The following CARD19 variants were observed in gnomAD, a reference collection of about 807,000 sequenced individuals.
CARD19 encodes the protein caspase recruitment domain family member 19.
CARD19 carries 25 observed loss-of-function variants against 24.1 expected under a neutral mutation model. That is an observed-to-expected ratio of 1.04 (90% confidence interval 0.76 to 1.45). The LOEUF is 1.45. Ranked by LOEUF, CARD19 falls within the 40% of genes most tolerant of loss-of-function variation. CARD19 has a pLI of 0.00. For missense variants in CARD19, 241 were observed against 247.4 expected (o/e 0.97, Z 0.17); for synonymous variants, 103 against 104.9 (o/e 0.98, Z 0.11).
chr9:93,109,227 A>G (rs1350149986), intron 2 of CARD19: 2 of 152,272 alleles, frequency 1.3e-5, no homozygotes, highest in South Asian at 2.1e-4. Flanking sequence ...CGTTTATACA[A>G]GAAAAAGCAC....
rs528829515 is a variant in CARD19, at chr9:93,112,037, C to A, written c.364+99C>A. 2.2e-5 allele frequency: 32 copies of A among 1,476,934 alleles called. No individual in the cohort carries two copies. In the East Asian group the frequency reaches 6.2e-4, roughly 29 times the overall value. The allele number at this position is 1,476,934 out of a possible 1,614,324, so 91.5% of individuals were successfully genotyped here. A position where few individuals can be genotyped will look rare whatever the true frequency, so the allele number is the denominator to read the frequency against. On this transcript the variant is annotated intron_variant, in intron 4 of 5. Transcript: ENST00000375464. Reference sequence around the variant, plus strand: ...CTCCGCCTCAGGGGCTTCTCCACCCCAAGTCTGGCTCCATTCCTGGCCTTC... The same window carrying A: ...CTCCGCCTCAGGGGCTTCTCCACCCAAAGTCTGGCTCCATTCCTGGCCTTC...
At chr9:93,098,906 T>TTTC (rs2119059980) in intron 1 of CARD19, among the ~76,000 whole-genome samples, 1 of 149,048 alleles carries the variant, frequency 6.7e-6, no homozygotes, top group East Asian at 2.0e-4. Context: ...AACTCTTTTT[T>TTTC]TTTTTTTTTT....
intron 2 of CARD19, among the ~76,000 whole-genome samples, chr9:93,108,195 G>A (rs990156603): frequency 1.3e-5 from 2 of 152,206 alleles, no homozygotes; most frequent in African/African-American, 4.8e-5. Flanking sequence ...TGAGGAGGGA[G>A]GAGGCAGAGG....
At chr9:93,098,536 C>T (rs1826964424) in intron 1 of CARD19, among the ~76,000 whole-genome samples, 1 of 152,224 alleles carries the variant, frequency 6.6e-6, no homozygotes, top group South Asian at 2.1e-4. Flanking sequence ...CTTGCCAGGT[C>T]TGTGCCAGAG....
Position 93,106,419 on chromosome 9 carries a change from A to AAAATAAAAT in CARD19, c.8-1252_8-1251insTAAAATAAA, listed in dbSNP as rs1164257782. On this transcript the variant is annotated intron_variant, in intron 1 of 5. Transcript: ENST00000375464. ...TGGTGAAACCCTGTCTCTACTAAAA[A>AAAATAAAAT]AAAAAAAAAAATACAAAAACCAGCT... Among the ~76,000 whole-genome samples the AAAATAAAAT allele has an allele frequency of 1.2e-3, 185 of 148,720 alleles. 2 individuals are homozygous for AAAATAAAAT. The highest frequency in any genetic ancestry group is 1.9e-3 in the Non-Finnish European group (125 of 66,710).
At chr9:93,101,533 G>A (rs558663412) in intron 1 of CARD19, among the ~76,000 whole-genome samples, 22 of 151,744 alleles carry the variant, frequency 1.4e-4, no homozygotes, top group African/African-American at 2.4e-4. Flanking sequence ...TCTACCGTCC[G>A]GGTTGAAGCG....
chr9:93,101,330 C>T (rs1014156777), intron 1 of CARD19, among the ~76,000 whole-genome samples: 6 of 152,156 alleles, frequency 3.9e-5, no homozygotes. Flanking sequence ...CTGCCCACCT[C>T]AGCCTCCCAA....
chr9:93,111,505 A>G (rs1827483077), intron 3 of CARD19: 1 of 1,122,340 alleles, frequency 8.9e-7, no homozygotes, highest in East Asian at 5.9e-5. Context: ...CACGCCTCAC[A>G]GAACACAGTG....
In CARD19 at chr9:93,096,541, C is replaced by T. The variant is rs1157547848; in HGVS notation, c.7+189C>T. Among the ~76,000 whole-genome samples, 3 of 152,136 alleles carry T rather than the reference C, an allele frequency of 2.0e-5. No homozygotes were observed. The highest frequency in any genetic ancestry group is 4.4e-5 in the Non-Finnish European group (3 of 68,008). The stretch of plus-strand genomic sequence containing the variant: ...CGAAGTGGTGGGTGTCCCGGGGCTT[C>T]TACCCGGCGGGGCCGTGCCAGCCGA... On this transcript the variant is annotated intron_variant, in intron 1 of 5. Transcript: ENST00000375464. The surrounding 1 kb of genome is among the most constrained non-coding windows in gnomAD (Gnocchi z 5.4).
intron 3 of CARD19, chr9:93,111,255 G>GTC: frequency 8.6e-7 from 1 of 1,167,314 alleles, no homozygotes; most frequent in Non-Finnish European, 1.1e-6. Flanking sequence ...TCCTCAGGCA[G>GTC]TGTGGACTCA....
intron 1 of CARD19, among the ~76,000 whole-genome samples, chr9:93,103,178 G>A (rs955379239): frequency 7.9e-5 from 12 of 152,162 alleles, no homozygotes; most frequent in African/African-American, 2.9e-4. Flanking sequence ...AATAGAAGTG[G>A]TAAGAGCAGA....
chr9:93,103,537 T>G (rs1410274400), intron 1 of CARD19, among the ~76,000 whole-genome samples: 1 of 152,242 alleles, frequency 6.6e-6, no homozygotes, highest in Non-Finnish European at 1.5e-5. Flanking sequence ...TTATATCTGC[T>G]GTTGATTTAA....
Position 93,107,692 on chromosome 9 carries a change from G to A in CARD19, c.26G>A (p.Arg9His), listed in dbSNP as rs376301015. 7.2e-5 allele frequency: 116 copies of A among 1,614,124 alleles called. No homozygotes were observed. Among genetic ancestry groups the A allele is most frequent in the Non-Finnish European group, 8.5e-5 (100 of 1,180,042 alleles). ...GTTTTAGATCAGACCTATTGTGACC[G>A]CCTGGTGCAGGACACGCCTTTCCTG... MTDQTYCD[R>H]LVQDTPFLTG... Residue 9 changes from arginine to histidine, a missense_variant, in exon 2 of 6, where the codon CGC (arginine) becomes CAC (histidine). Physicochemically the swap from Arg to His is conservative, Grantham distance 29. Coordinates refer to ENST00000375464, the MANE Select transcript of CARD19 (RefSeq NM_032310.5).
intron 1 of CARD19, among the ~76,000 whole-genome samples, chr9:93,105,789 T>C (rs916453238): frequency 1.3e-5 from 2 of 152,212 alleles, no homozygotes; most frequent in African/African-American, 4.8e-5. Flanking sequence ...CTCTTCTTTA[T>C]TGTGGTATGG....
chr9:93,111,972 C>G, intron 4 of CARD19, 34 bp downstream of exon 4: 1 of 1,587,418 alleles, frequency 6.3e-7, no homozygotes, highest in South Asian at 1.1e-5. Context: ...CCTCTCTCTC[C>G]CTCTCTCTCC....
At chr9:93,108,315 C>T (rs887437616) in intron 2 of CARD19, among the ~76,000 whole-genome samples, 1 of 152,134 alleles carries the variant, frequency 6.6e-6, no homozygotes, top group Non-Finnish European at 1.5e-5. Flanking sequence ...CAATTGCTTC[C>T]TTTTCTCTAA....
chr9:93,096,746 G>T lies in CARD19; in HGVS notation c.7+394G>T, dbSNP rs1244814372. ...GTAGGAGGTGGTAGAAATGACACCG[G>T]AGAGAATTCACAGCGGTCCTGCTGT... On this transcript the variant is annotated intron_variant, in intron 1 of 5. Coordinates refer to ENST00000375464, the MANE Select transcript of CARD19 (RefSeq NM_032310.5). This position sits in a 1 kb window ranked among gnomAD's most constrained non-coding sequence, Gnocchi z 5.4. Among the ~76,000 whole-genome samples, 1 of 152,198 alleles carries T rather than the reference G, an allele frequency of 6.6e-6. No individual in the cohort carries two copies. Among genetic ancestry groups the T allele is most frequent in the Non-Finnish European group, 1.5e-5 (1 of 68,030 alleles).
At chr9:93,112,084 C>T in intron 4 of CARD19, 134 bp from the exon 5 acceptor site, 3 of 1,303,524 alleles carry the variant, frequency 2.3e-6, no homozygotes, top group Middle Eastern at 5.2e-4. Flanking sequence ...GACCCCCCCC[C>T]TAAGGTGCTC....
At chr9:93,099,954 T>C (rs1454864041) in intron 1 of CARD19, among the ~76,000 whole-genome samples, 1 of 152,210 alleles carries the variant, frequency 6.6e-6, no homozygotes. Context: ...CAGGTATCTC[T>C]GGGGTTAAGG....
Sources: allele counts gnomAD v4.1 joint callset (sites outside exome capture counted in the v4.1 genomes callset), GRCh38; gene constraint gnomAD v4.1.1; non-coding constraint Gnocchi (gnomAD v3.1); transcripts MANE v1.5; gene names NCBI Gene and HGNC (gene_info 2026-07-23, HGNC 2026-07-21).